The following C9 variants were observed in gnomAD, a reference collection of about 807,000 sequenced individuals.
C9 encodes complement C9, also known as complement component C9.
A neutral mutation model predicts 65.4 loss-of-function variants in C9; 63 were observed. The ratio of observed to expected loss-of-function variants is 0.96; its 90% CI spans 0.79 to 1.19. C9 has a LOEUF of 1.19. Among genes scored for constraint, C9 ranks in the 50% most tolerant of loss-of-function variants. The pLI, the probability that C9 is intolerant of heterozygous loss-of-function variation, is 0.00. For missense variants in C9, 744 were observed against 670.1 expected (o/e 1.11, Z -1.22); for synonymous variants, 229 against 227.9 (o/e 1.00, Z -0.04).
intron 1 of C9, among the ~76,000 whole-genome samples, chr5:39,344,725 T>G (rs910527097): frequency 6.6e-6 from 1 of 152,084 alleles, no homozygotes; most frequent in African/African-American, 2.4e-5. Flanking sequence ...AATTGTCAGA[T>G]TTACCAAAGC....
intron 4 of C9, among the ~76,000 whole-genome samples, chr5:39,340,404 C>T (rs1303078329): frequency 6.6e-6 from 1 of 150,652 alleles, no homozygotes; most frequent in Non-Finnish European, 1.5e-5. Context: ...AAAAACAGCT[C>T]AGAGTGAGTA....
At chr5:39,325,640 C>T (rs1230101286) in intron 5 of C9, among the ~76,000 whole-genome samples, 4 of 152,000 alleles carry the variant, frequency 2.6e-5, no homozygotes, top group South Asian at 2.1e-4. Context: ...AGCACGGTGG[C>T]GCACGCCTCA....
intron 4 of C9, among the ~76,000 whole-genome samples, chr5:39,333,572 C>CTCTCCCTCTCCCTCTCCCTCTCCG (rs1753884469): frequency 7.0e-6 from 1 of 143,318 alleles, no homozygotes; most frequent in Non-Finnish European, 1.6e-5. Context: ...CTCCCTCTCC[C>CTCTCCCTCTCCCTCTCCCTCTCCG]TCTCCCTCTC....
At chr5:39,292,969 A>C (rs541505695) in intron 9 of C9, among the ~76,000 whole-genome samples, 1 of 151,924 alleles carries the variant, frequency 6.6e-6, no homozygotes, top group South Asian at 2.1e-4. Flanking sequence ...CAGGACAAGA[A>C]AGGAACAATG....
chr5:39,304,304 T>C (rs900831714), intron 9 of C9, among the ~76,000 whole-genome samples: 1 of 152,194 alleles, frequency 6.6e-6, no homozygotes, highest in Non-Finnish European at 1.5e-5. Flanking sequence ...AGATTTAATA[T>C]TGACCAGTTT....
chr5:39,287,235 T>C (rs1198219357), intron 10 of C9, among the ~76,000 whole-genome samples: 7 of 151,980 alleles, frequency 4.6e-5, no homozygotes, highest in Non-Finnish European at 1.5e-5. Flanking sequence ...GCATTTGCTT[T>C]TGAGGTTTTA....
intron 9 of C9, among the ~76,000 whole-genome samples, chr5:39,290,635 C>T (rs557548): frequency 6.6e-6 from 1 of 151,818 alleles, no homozygotes; most frequent in Non-Finnish European, 1.5e-5. Context: ...ATGCCCTGGA[C>T]AACTAATAAG....
intron 4 of C9, among the ~76,000 whole-genome samples, chr5:39,339,653 T>G (rs1260646698): frequency 3.9e-3 from 25 of 6,348 alleles, no homozygotes; most frequent in Non-Finnish European, 5.6e-3. Context: ...TTTTCTCTCT[T>G]TTTTTTTTTT....
In C9 at chr5:39,341,644, G is replaced by A. The variant is rs761782777; in HGVS notation, c.240C>T (p.Asp80=). The A allele has an allele frequency of 1.2e-5, 19 of 1,613,714 alleles. No individual in the cohort carries two copies. The highest frequency in any genetic ancestry group is 4.0e-5 in the African/African-American group (3 of 75,032). Residue 80 remains aspartate, a synonymous_variant, in exon 3 of 11, where the codon GAC becomes GAT. Transcript: ENST00000263408. ...CACACTGTCGTCTGTCTCCCACAGC[G>A]TCGGTGCATCTTTTCCCATTAAATT... ...FGQFNGKRCT[D]AVGDRRQCVP...
At chr5:39,329,157 G>T (rs567893158) in intron 5 of C9, among the ~76,000 whole-genome samples, 3 of 152,046 alleles carry the variant, frequency 2.0e-5, no homozygotes, top group Non-Finnish European at 4.4e-5. Flanking sequence ...AGTTATAAAC[G>T]CAATCATCAC....
At chr5:39,291,674 T>C (rs561139763) in intron 9 of C9, among the ~76,000 whole-genome samples, 1 of 151,006 alleles carries the variant, frequency 6.6e-6, no homozygotes, top group South Asian at 2.1e-4. Flanking sequence ...TTAAAAACAG[T>C]TTAGTAAAAA....
At chr5:39,332,912 A>G (rs556300146) in intron 4 of C9, among the ~76,000 whole-genome samples, 1 of 152,340 alleles carries the variant, frequency 6.6e-6, no homozygotes, top group African/African-American at 2.4e-5. Context: ...TAAACTTTGA[A>G]TCTACGAAGT....
chr5:39,355,279 A>C (rs1479826144), intron 1 of C9, among the ~76,000 whole-genome samples: 3 of 152,164 alleles, frequency 2.0e-5, no homozygotes, highest in Non-Finnish European at 4.4e-5. Flanking sequence ...TACTGGATAA[A>C]TCTAGAACCC....
chr5:39,329,630 A>T (rs1579862185), intron 5 of C9, among the ~76,000 whole-genome samples: 1 of 152,208 alleles, frequency 6.6e-6, no homozygotes, highest in East Asian at 1.9e-4. Context: ...GGACCAGTAT[A>T]ATTCTGTCAA....
chr5:39,328,380 GA>G (rs1753787774), intron 5 of C9, among the ~76,000 whole-genome samples: 1 of 152,218 alleles, frequency 6.6e-6, no homozygotes, highest in Non-Finnish European at 1.5e-5. Flanking sequence ...GAACGAGAAT[GA>G]GGAAAGCCTG....
At chr5:39,296,943 G>C (rs155445) in intron 9 of C9, among the ~76,000 whole-genome samples, 40,211 of 151,036 alleles carry the variant, frequency 0.27, 6,020 homozygotes, top group Non-Finnish European at 0.35. Flanking sequence ...GAAGGGTAGG[G>C]GAAAGACAAT....
chr5:39,364,426 A>C lies in C9; in HGVS notation c.39T>G (p.Ile13Met). ...GTGCTGTGAGGATGCTTATTTCTAA[A>C]ATGCAGATTGCAACTGCAAAGCTCC... ...ACRSFAVAIC[I>M]LEISILTAQY... is the part of the protein sequence containing the mutation. Residue 13 changes from isoleucine (I) to methionine (M), a missense_variant, in exon 1 of 11, where the codon ATT becomes ATG. Ile to Met is a conservative substitution (Grantham distance 10). Transcript: ENST00000263408. 6.2e-7 allele frequency: 1 copy of C among 1,610,708 alleles called. No individual in the cohort carries two copies. Among genetic ancestry groups the C allele is most frequent in the Non-Finnish European group, 8.5e-7 (1 of 1,177,102 alleles).
intron 9 of C9, among the ~76,000 whole-genome samples, chr5:39,293,631 G>T (rs879615503): frequency 6.6e-6 from 1 of 151,890 alleles, no homozygotes; most frequent in South Asian, 2.1e-4. Context: ...CACTGTCAGC[G>T]TTGGAGAGAT....
chr5:39,321,356 CT>C (rs1380978963), intron 5 of C9, among the ~76,000 whole-genome samples: 2 of 152,006 alleles, frequency 1.3e-5, no homozygotes, highest in Non-Finnish European at 2.9e-5. Flanking sequence ...CCTATTATAA[CT>C]ATAGATATTT....
Sources: allele counts gnomAD v4.1 joint callset (sites outside exome capture counted in the v4.1 genomes callset), GRCh38; gene constraint gnomAD v4.1.1; transcripts MANE v1.5; gene names NCBI Gene and HGNC (gene_info 2026-07-23, HGNC 2026-07-21).